SH3RF1: variants seen among roughly 807,000 people sequenced by gnomAD.
SH3RF1 encodes E3 ubiquitin-protein ligase SH3RF1.
In SH3RF1, 32 loss-of-function variants were observed where a neutral mutation model predicts 74.0. The observed-to-expected ratio is 0.43, with a 90% CI of 0.33 to 0.58. The LOEUF (loss-of-function observed/expected upper bound fraction) is 0.58. SH3RF1 is among the 20% of genes least tolerant of loss of function. SH3RF1 has a pLI of 0.05. For synonymous variants in SH3RF1, 396 were observed against 439.6 expected (o/e 0.90, Z 1.24); for missense variants, 954 against 1,130.9 (o/e 0.84, Z 2.24).
intron 4 of SH3RF1, among the ~76,000 whole-genome samples, chr4:169,149,026 T>C (rs1320565611): frequency 6.6e-6 from 1 of 152,200 alleles, no homozygotes; most frequent in Non-Finnish European, 1.5e-5. Flanking sequence ...GGCCTCTGAT[T>C]ATGGCTATGC....
At chr4:169,255,656 C>T (rs1390332002) in intron 2 of SH3RF1, among the ~76,000 whole-genome samples, 1 of 151,402 alleles carries the variant, frequency 6.6e-6, no homozygotes, top group African/African-American at 2.4e-5. Context: ...CACACACACA[C>T]ACACACAGAG....
chr4:169,224,869 C>T (rs1025041149), intron 2 of SH3RF1, among the ~76,000 whole-genome samples: 2 of 152,192 alleles, frequency 1.3e-5, no homozygotes, highest in Non-Finnish European at 2.9e-5. Context: ...AAACATGAGG[C>T]TGGAATGGAA....
chr4:169,212,810 C>G (rs529647931), intron 2 of SH3RF1, among the ~76,000 whole-genome samples: 1 of 152,294 alleles, frequency 6.6e-6, no homozygotes, highest in African/African-American at 2.4e-5. Flanking sequence ...CAGAACCATA[C>G]AGCATAATTT....
Position 169,094,734 on chromosome 4 carries a change from A to T in SH3RF1, c.*1785T>A, listed in dbSNP as rs1054285208. On this transcript the variant is annotated 3_prime_UTR_variant, in exon 12 of 12. Coordinates refer to ENST00000284637, the MANE Select transcript of SH3RF1 (RefSeq NM_020870.4). ...TATTACATGAATATCCAAGTAAAGTATTTTTTTTTTAAATTCAACACACAG... is the reference window on the plus strand; with the variant it reads ...TATTACATGAATATCCAAGTAAAGTTTTTTTTTTTTAAATTCAACACACAG... The T allele has an allele frequency of 1.3e-5, 2 of 148,548 alleles. No homozygotes were observed. Among genetic ancestry groups the T allele is most frequent in the African/African-American group, 2.5e-5 (1 of 40,722 alleles). 9.2% of individuals were successfully genotyped at this position (148,548 alleles called of 1,614,324 possible).
intron 2 of SH3RF1, among the ~76,000 whole-genome samples, chr4:169,230,671 C>T (rs1730722613): frequency 6.6e-6 from 1 of 151,900 alleles, no homozygotes; most frequent in South Asian, 2.1e-4. Flanking sequence ...CCAGCCTGGC[C>T]AACATGGTGA....
At chr4:169,194,859 G>A (rs1378355124) in intron 2 of SH3RF1, among the ~76,000 whole-genome samples, 2 of 152,198 alleles carry the variant, frequency 1.3e-5, no homozygotes, top group Non-Finnish European at 2.9e-5. Flanking sequence ...TGTGGGTATA[G>A]TGGTTTTGTC....
chr4:169,119,808 G>A (rs959267141), intron 8 of SH3RF1, among the ~76,000 whole-genome samples: 1 of 152,132 alleles, frequency 6.6e-6, no homozygotes, highest in African/African-American at 2.4e-5. Context: ...AAAATCAGGC[G>A]GTTTGAGGAA....
intron 2 of SH3RF1, among the ~76,000 whole-genome samples, chr4:169,195,235 G>C (rs1734790051): frequency 6.6e-6 from 1 of 152,170 alleles, no homozygotes; most frequent in Non-Finnish European, 1.5e-5. Flanking sequence ...TAAAGATGTT[G>C]TTCCATTGCC....
At chr4:169,227,891 G>T (rs1730676622) in intron 2 of SH3RF1, among the ~76,000 whole-genome samples, 1 of 152,196 alleles carries the variant, frequency 6.6e-6, no homozygotes, top group Admixed American at 6.5e-5. Flanking sequence ...TTCAGGAAGA[G>T]AAATTTTTCA....
chr4:169,259,707 C>T, intron 2 of SH3RF1, among the ~76,000 whole-genome samples: 1 of 152,142 alleles, frequency 6.6e-6, no homozygotes, highest in East Asian at 1.9e-4. Context: ...GGGAGCCTTA[C>T]CAGCAAGGCA....
intron 2 of SH3RF1, among the ~76,000 whole-genome samples, chr4:169,161,824 G>T (rs566978933): frequency 6.6e-6 from 1 of 152,322 alleles, no homozygotes; most frequent in South Asian, 2.1e-4. Context: ...AGAAATCATA[G>T]TAATAGAAAG....
intron 5 of SH3RF1, among the ~76,000 whole-genome samples, chr4:169,133,666 A>T (rs1271225693): frequency 2.6e-5 from 4 of 151,896 alleles, no homozygotes; most frequent in Non-Finnish European, 4.4e-5. Context: ...AATCCCAGCT[A>T]CTTGGGAGGC....
chr4:169,223,939 G>A (rs1486245820), intron 2 of SH3RF1, among the ~76,000 whole-genome samples: 1 of 152,194 alleles, frequency 6.6e-6, no homozygotes, highest in Non-Finnish European at 1.5e-5. Context: ...GTAGCTGGAA[G>A]AAAATACGTG....
chr4:169,198,004 T>G (rs1275926793), intron 2 of SH3RF1, among the ~76,000 whole-genome samples: 1 of 152,220 alleles, frequency 6.6e-6, no homozygotes, highest in Non-Finnish European at 1.5e-5. Context: ...AATTAGAATG[T>G]TCTCCTTTAA....
chr4:169,221,880 G>C (rs1730569945), intron 2 of SH3RF1, among the ~76,000 whole-genome samples: 1 of 152,152 alleles, frequency 6.6e-6, no homozygotes, highest in South Asian at 2.1e-4. Context: ...GAACTGCTAA[G>C]CTAAAGTATA....
chr4:169,116,736 A>G, intron 9 of SH3RF1, 106 bp from the exon 10 acceptor site: 3 of 1,388,936 alleles, frequency 2.2e-6, no homozygotes, highest in South Asian at 1.6e-5. Flanking sequence ...AAAGGCTGCT[A>G]TTGTATTTAT....
intron 2 of SH3RF1, among the ~76,000 whole-genome samples, chr4:169,197,989 C>T (rs1340149666): frequency 6.6e-6 from 1 of 152,156 alleles, no homozygotes. Flanking sequence ...AAAGTGACCC[C>T]TCAAAATTAG....
At chr4:169,191,350 C>T (rs1441276231) in intron 2 of SH3RF1, among the ~76,000 whole-genome samples, 1 of 145,816 alleles carries the variant, frequency 6.9e-6, no homozygotes, top group Non-Finnish European at 1.5e-5. Flanking sequence ...AAGTGAAAGA[C>T]CTCTACCAGG....
At chr4:169,246,478 T>C (rs913860804) in intron 2 of SH3RF1, among the ~76,000 whole-genome samples, 1 of 152,212 alleles carries the variant, frequency 6.6e-6, no homozygotes, top group Non-Finnish European at 1.5e-5. Flanking sequence ...GAAGAGGTCA[T>C]GCTTAATGGC....
Sources: allele counts gnomAD v4.1 joint callset (sites outside exome capture counted in the v4.1 genomes callset), GRCh38; gene constraint gnomAD v4.1.1; transcripts MANE v1.5; gene names NCBI Gene and HGNC (gene_info 2026-07-23, HGNC 2026-07-21).